Variants in CBFA2T2 observed in about 807,000 individuals in gnomAD.
CBFA2T2 encodes protein CBFA2T2.
A neutral mutation model predicts 62.2 loss-of-function variants in CBFA2T2; 11 were observed. The ratio of observed to expected loss-of-function variants is 0.18; its 90% CI spans 0.11 to 0.29. The LOEUF (loss-of-function observed/expected upper bound fraction) is 0.29, where lower values mean the gene tolerates loss of function less well. Ranked by LOEUF, CBFA2T2 falls within the 10% of genes least tolerant of loss-of-function variation. CBFA2T2 has a pLI of 1.00. For synonymous variants in CBFA2T2, 295 were observed against 287.5 expected, an observed-to-expected ratio of 1.03 and a Z score of -0.27; for missense variants, 592 against 774.1, an observed-to-expected ratio of 0.76 and a Z score of 2.79.
chr20:33,499,048 GAAAA>G (rs11406629), intron 1 of CBFA2T2, among the ~76,000 whole-genome samples: 1 of 137,754 alleles, frequency 7.3e-6, no homozygotes, highest in Non-Finnish European at 1.6e-5. Context: ...CGTCTAAAAA[GAAAA>G]AAAAAAAAAA....
intron 3 of CBFA2T2, among the ~76,000 whole-genome samples, chr20:33,618,703 A>AG (rs1197788382): frequency 6.6e-6 from 1 of 152,132 alleles, no homozygotes; most frequent in Non-Finnish European, 1.5e-5. Context: ...GCCAGGAGGT[A>AG]GGGGGCAGAA....
chr20:33,588,112 C>T (rs2014457378), intron 1 of CBFA2T2, among the ~76,000 whole-genome samples: 1 of 152,122 alleles, frequency 6.6e-6, no homozygotes, highest in African/African-American at 2.4e-5. Flanking sequence ...AAAAGCTGTA[C>T]ATATTTAACA....
At chr20:33,499,145 G>T (rs560627865) in intron 1 of CBFA2T2, among the ~76,000 whole-genome samples, 6 of 152,186 alleles carry the variant, frequency 3.9e-5, no homozygotes, top group African/African-American at 1.4e-4. Context: ...TAGGCAGGAA[G>T]AATGGTTTAA....
At chr20:33,533,948 G>A (rs531193251) in intron 1 of CBFA2T2, among the ~76,000 whole-genome samples, 2 of 151,984 alleles carry the variant, frequency 1.3e-5, no homozygotes, top group Non-Finnish European at 2.9e-5. Flanking sequence ...CCGAGATCAC[G>A]CCAGTGCTCT....
At chr20:33,551,075 G>A (rs909123395) in intron 1 of CBFA2T2, among the ~76,000 whole-genome samples, 4 of 152,126 alleles carry the variant, frequency 2.6e-5, no homozygotes, top group Non-Finnish European at 5.9e-5. Context: ...GAGCTCATTC[G>A]ACGGAAGTGT....
intron 1 of CBFA2T2, among the ~76,000 whole-genome samples, chr20:33,595,013 A>C (rs1219073685): frequency 6.6e-6 from 1 of 152,146 alleles, no homozygotes; most frequent in Non-Finnish European, 1.5e-5. Context: ...TCCATATTTC[A>C]TTTTTTCCCT....
In CBFA2T2 at chr20:33,516,012, C is replaced by G. The variant is rs573234164; in HGVS notation, c.34+25711C>G. Among the ~76,000 whole-genome samples the G allele has an allele frequency of 1.2e-3, 182 of 152,110 alleles. 1 individual carries two copies. In the Middle Eastern group the frequency reaches 0.014, roughly 11 times the overall value. On this transcript the variant is annotated intron_variant, in intron 1 of 10. Coordinates refer to ENST00000342704, the MANE Select transcript of CBFA2T2 (RefSeq NM_001032999.3). ...TAAGAAAAATTAGCCAGTAGCACACCTGTAATCCCAGTTACTCAGGAGGCT... is the reference window on the plus strand; with the variant it reads ...TAAGAAAAATTAGCCAGTAGCACACGTGTAATCCCAGTTACTCAGGAGGCT...
intron 1 of CBFA2T2, among the ~76,000 whole-genome samples, chr20:33,594,510 G>A (rs2014803650): frequency 6.6e-6 from 1 of 152,038 alleles, no homozygotes; most frequent in African/African-American, 2.4e-5. Context: ...GTGAGCCACC[G>A]AGCCCGGCCT....
Position 33,611,114 on chromosome 20 carries a change from TCTC to T in CBFA2T2, c.205_207del (p.Pro69del), listed in dbSNP as rs2015510017. Reference sequence around the variant, plus strand: ...TTTAGTAAGCAATGGCATCAACCATTCTCCTCCTACCCTGAATGGTGCCCCATC... The same window carrying T: ...TTTAGTAAGCAATGGCATCAACCATTCTCCTACCCTGAATGGTGCCCCATC... On this transcript the variant is annotated inframe_deletion, in exon 3 of 11. Transcript: ENST00000342704. The T allele has an allele frequency of 1.2e-6, 2 of 1,614,152 alleles. No homozygotes were observed. Among genetic ancestry groups the T allele is most frequent in the Non-Finnish European group, 1.7e-6 (2 of 1,180,016 alleles).
intron 8 of CBFA2T2, among the ~76,000 whole-genome samples, chr20:33,632,042 GTTTGTTCGTT>G: frequency 6.6e-6 from 1 of 152,196 alleles, no homozygotes; most frequent in East Asian, 1.9e-4. Flanking sequence ...TTGTTTGTTT[GTTTGTTCGTT>G]TTTGTTTGTT....
At chr20:33,524,547 C>G (rs75446202) in intron 1 of CBFA2T2, among the ~76,000 whole-genome samples, 1 of 152,060 alleles carries the variant, frequency 6.6e-6, no homozygotes, top group African/African-American at 2.4e-5. Context: ...CATGAACTTG[C>G]AAACGTTGTT....
At chr20:33,580,403 T>G (rs2014057427) in intron 1 of CBFA2T2, among the ~76,000 whole-genome samples, 1 of 152,204 alleles carries the variant, frequency 6.6e-6, no homozygotes, top group Non-Finnish European at 1.5e-5. Context: ...GTGATCAAGA[T>G]GAACGTGGCC....
At chr20:33,571,762 A>C (rs559248093) in intron 1 of CBFA2T2, among the ~76,000 whole-genome samples, 1 of 152,310 alleles carries the variant, frequency 6.6e-6, no homozygotes, top group East Asian at 1.9e-4. Flanking sequence ...CTTTTTGCTG[A>C]TCTGAAGATA....
At chr20:33,505,468 G>GA (rs1012050167) in intron 1 of CBFA2T2, among the ~76,000 whole-genome samples, 1 of 151,844 alleles carries the variant, frequency 6.6e-6, no homozygotes, top group Non-Finnish European at 1.5e-5. Context: ...CAAGTTTGCA[G>GA]AAAAAAAATG....
chr20:33,624,249 A>G (rs911882310), intron 5 of CBFA2T2, among the ~76,000 whole-genome samples: 2 of 151,196 alleles, frequency 1.3e-5, no homozygotes, highest in Middle Eastern at 3.2e-3. Flanking sequence ...AAAAAAAAAA[A>G]AAAAAAGAAA....
intron 8 of CBFA2T2, among the ~76,000 whole-genome samples, chr20:33,635,289 C>G (rs2016596033): frequency 6.6e-6 from 1 of 152,168 alleles, no homozygotes; most frequent in South Asian, 2.1e-4. Context: ...GCACCTCCTG[C>G]CTACCCTTTC....
chr20:33,495,411 G>A lies in CBFA2T2; in HGVS notation c.34+5110G>A, dbSNP rs189862992. 7.4e-4 allele frequency among the ~76,000 whole-genome samples: 109 copies of A among 146,312 alleles called. 1 individual carries two copies. The highest frequency in any genetic ancestry group is 2.6e-3 in the African/African-American group (104 of 39,508). ...CAAAAAAAAAAAAAAAAAAAGGCCG[G>A]GCACGATGGCTCATCCCTGTAATCC... On this transcript the variant is annotated intron_variant, in intron 1 of 10. Coordinates refer to ENST00000342704, the MANE Select transcript of CBFA2T2 (RefSeq NM_001032999.3).
At chr20:33,535,619 TTTTC>T (rs1226988620) in intron 1 of CBFA2T2, among the ~76,000 whole-genome samples, 2,603 of 145,050 alleles carry the variant, frequency 0.018, 164 homozygotes, top group Admixed American at 0.13. Context: ...TTTTTTTATT[TTTTC>T]TTTTTTTTTT....
chr20:33,629,913 T>C lies in CBFA2T2; in HGVS notation c.1227T>C (p.Asn409=). Residue 409 remains asparagine, a splice_region_variant and synonymous_variant, in exon 8 of 11, where the codon AAT becomes AAC. Coordinates refer to ENST00000342704, the MANE Select transcript of CBFA2T2 (RefSeq NM_001032999.3). The part of the protein sequence containing the change: ...HSPGSADSLS[N]DSQREFNSRP... ...CTGGGAGTGCAGATTCTCTCAGCAATGGTAAGGGGAGAGTCTACGGGAAAC... is the reference window on the plus strand; with the variant it reads ...CTGGGAGTGCAGATTCTCTCAGCAACGGTAAGGGGAGAGTCTACGGGAAAC... 6.2e-7 allele frequency: 1 copy of C among 1,610,532 alleles called. No individual in the cohort carries two copies. Among genetic ancestry groups the C allele is most frequent in the South Asian group, 1.1e-5 (1 of 90,660 alleles).
Sources: allele counts gnomAD v4.1 joint callset (sites outside exome capture counted in the v4.1 genomes callset), GRCh38; gene constraint gnomAD v4.1.1; transcripts MANE v1.5; gene names NCBI Gene and HGNC (gene_info 2026-07-23, HGNC 2026-07-21).